PCNX2: variants seen among roughly 807,000 people sequenced by gnomAD.
PCNX2 encodes pecanex 2, also known as pecanex-like protein 2.
A neutral mutation model predicts 223.8 loss-of-function variants in PCNX2; 168 were observed. That is an observed-to-expected ratio of 0.75 (90% CI 0.66 to 0.85). PCNX2 has a LOEUF of 0.85. Ranked by LOEUF, PCNX2 falls within the 40% of genes least tolerant of loss-of-function variation. The pLI, the probability that PCNX2 is intolerant of heterozygous loss-of-function variation, is 0.00. For synonymous variants in PCNX2, 1,006 were observed against 1,052.6 expected, an observed-to-expected ratio of 0.96 and a Z score of 0.86; for missense variants, 2,507 against 2,675.5, an observed-to-expected ratio of 0.94 and a Z score of 1.39.
chr1:233,129,878 C>G (rs1676354790), intron 21 of PCNX2, among the ~76,000 whole-genome samples: 1 of 152,188 alleles, frequency 6.6e-6, no homozygotes, highest in South Asian at 2.1e-4. Flanking sequence ...AAGCAGGCTG[C>G]CAGAGCCAGC....
Position 233,259,300 on chromosome 1 carries a change from T to C in PCNX2, c.562A>G (p.Thr188Ala), listed in dbSNP as rs548295089. 1.2e-4 allele frequency: 199 copies of C among 1,613,830 alleles called. 2 individuals carry two copies. In the South Asian group the frequency reaches 1.8e-3, roughly 15 times the overall value. The change falls in exon 5 of 34, where the codon ACC (threonine) becomes GCC (alanine). Residue 188 changes from threonine (T) to alanine (A), a missense_variant. Coordinates refer to ENST00000258229, the MANE Select transcript of PCNX2 (RefSeq NM_014801.4). ...CTTTCCACTTTGATACCAGGTGAGG[T>C]AGATGACACTGGTGCTATGGGATGG... ...EDHPIAPVSS[T>A]SPGIKVESLP... is the part of the protein sequence containing the mutation.
chr1:233,178,686 A>G (rs1679624141), intron 16 of PCNX2, among the ~76,000 whole-genome samples: 1 of 152,174 alleles, frequency 6.6e-6, no homozygotes, highest in Non-Finnish European at 1.5e-5. Context: ...GTAACTGCCT[A>G]GAGTAAAGGC....
At chr1:233,005,433 T>TAACCCTAA (rs1382433694) in intron 28 of PCNX2, among the ~76,000 whole-genome samples, 1 of 152,188 alleles carries the variant, frequency 6.6e-6, no homozygotes, top group African/African-American at 2.4e-5. Flanking sequence ...CAGGAGCCTC[T>TAACCCTAA]CTAAGAGGCT....
intron 21 of PCNX2, chr1:233,112,709 T>TGGTCGCCG: frequency 1.8e-6 from 1 of 567,780 alleles, no homozygotes; most frequent in Non-Finnish European, 2.2e-6. Flanking sequence ...GTGTAGATCT[T>TGGTCGCCG]TGAACAATAT....
At chr1:233,241,788 C>T (rs1658784672) in intron 8 of PCNX2, among the ~76,000 whole-genome samples, 1 of 152,158 alleles carries the variant, frequency 6.6e-6, no homozygotes, top group South Asian at 2.1e-4. Flanking sequence ...CGAGAGAAGT[C>T]ACAATGTTTT....
At chr1:233,281,384 G>GA (rs1661186191) in intron 1 of PCNX2, among the ~76,000 whole-genome samples, 1 of 152,172 alleles carries the variant, frequency 6.6e-6, no homozygotes, top group African/African-American at 2.4e-5. Context: ...GGAAAGAACT[G>GA]AAACACACAG....
Position 233,253,027 on chromosome 1 carries a change from T to C in PCNX2, c.1835-239A>G, listed in dbSNP as rs1305346567. ...TATTTAGGTGTCTACAAACACCTACTATTTTATATACAGGTTGAGGGACTC... is the reference window on the plus strand; with the variant it reads ...TATTTAGGTGTCTACAAACACCTACCATTTTATATACAGGTTGAGGGACTC... On this transcript the variant is annotated intron_variant, in intron 5 of 33. Transcript: ENST00000258229. This position sits in a 1 kb window ranked among gnomAD's most constrained non-coding sequence, Gnocchi z 4.2. Among the ~76,000 whole-genome samples the C allele has an allele frequency of 1.3e-5, 2 of 152,240 alleles. No individual in the cohort carries two copies. Among genetic ancestry groups the C allele is most frequent in the Non-Finnish European group, 2.9e-5 (2 of 68,042 alleles).
rs1207990726 is a variant in PCNX2, at chr1:233,000,284, C to G, written c.5328+21G>C. The G allele has an allele frequency of 6.2e-7, 1 of 1,611,166 alleles. No homozygotes were observed. The highest frequency in any genetic ancestry group is 1.3e-5 in the African/African-American group (1 of 74,850). On this transcript the variant is annotated intron_variant, in intron 30 of 33. Coordinates refer to ENST00000258229, the MANE Select transcript of PCNX2 (RefSeq NM_014801.4). The surrounding 1 kb of genome is among the most constrained non-coding windows in gnomAD (Gnocchi z 4.6). ...GAGAGACACGAGCCAACAGGGGACC[C>G]AGAAAGTGTGGCCGCCATACCTTGA...
chr1:233,286,887 T>C (rs1661480091), intron 1 of PCNX2, among the ~76,000 whole-genome samples: 1 of 152,166 alleles, frequency 6.6e-6, no homozygotes, highest in Non-Finnish European at 1.5e-5. Flanking sequence ...CATCCTCATG[T>C]CCCTTCCTAC....
intron 12 of PCNX2, chr1:233,211,831 G>A (rs945966905): frequency 4.5e-5 from 44 of 984,596 alleles, no homozygotes; most frequent in Admixed American, 1.2e-4. Context: ...AAGCAAATTC[G>A]GAGAATGAGG....
chr1:233,164,496 A>C (rs1678675174), intron 17 of PCNX2, among the ~76,000 whole-genome samples: 1 of 152,110 alleles, frequency 6.6e-6, no homozygotes, highest in African/African-American at 2.4e-5. Flanking sequence ...TCCCAGGCTT[A>C]ATACAGCATT....
chr1:233,190,466 G>C (rs565341177), intron 15 of PCNX2, among the ~76,000 whole-genome samples: 1 of 152,300 alleles, frequency 6.6e-6, no homozygotes, highest in African/African-American at 2.4e-5. Flanking sequence ...ACGTACAAAG[G>C]AGAAGGAAGA....
At chr1:233,103,178 G>A (rs1674588792) in intron 21 of PCNX2, among the ~76,000 whole-genome samples, 1 of 151,898 alleles carries the variant, frequency 6.6e-6, no homozygotes, top group African/African-American at 2.4e-5. Flanking sequence ...TATATTTATG[G>A]GATACATGAG....
At position 233,000,613 on chromosome 1, in the gene PCNX2, G is replaced by A. The variant is rs772226624; in HGVS notation, c.5098-78C>T. The A allele has an allele frequency of 5.9e-5, 69 of 1,163,326 alleles. No individual in the cohort carries two copies. The highest frequency in any genetic ancestry group is 3.5e-4 in the Admixed American group (16 of 46,356). 72.1% of individuals were successfully genotyped at this position (1,163,326 alleles called of 1,614,324 possible). A position where few individuals can be genotyped will look rare whatever the true frequency, so the allele number is the denominator to read the frequency against. On this transcript the variant is annotated intron_variant, in intron 29 of 33. Coordinates refer to ENST00000258229, the MANE Select transcript of PCNX2 (RefSeq NM_014801.4). The surrounding 1 kb of genome is among the most constrained non-coding windows in gnomAD (Gnocchi z 4.6). ...CCCAGGAAGCATGCAGATGGCAACT[G>A]GCCAGTGACCTCCAAAGCTAAGCTC...
chr1:233,116,937 G>T (rs1240712143), intron 21 of PCNX2, among the ~76,000 whole-genome samples: 1 of 152,126 alleles, frequency 6.6e-6, no homozygotes, highest in Non-Finnish European at 1.5e-5. Context: ...AATATCAGGA[G>T]TGAAGCAGGA....
At chr1:233,129,462 A>G (rs74764662) in intron 21 of PCNX2, among the ~76,000 whole-genome samples, 6,282 of 152,244 alleles carry the variant, frequency 0.041, 162 homozygotes, top group African/African-American at 0.088. Flanking sequence ...GCTCCACGGC[A>G]CCAGGTGTCA....
chr1:233,172,646 G>A, intron 17 of PCNX2: 10 of 732,632 alleles, frequency 1.4e-5, no homozygotes, highest in Non-Finnish European at 1.7e-5. Flanking sequence ...GAAAAACAAG[G>A]CTTAAGGTCC....
chr1:233,147,484 G>T (rs185372481), intron 19 of PCNX2, among the ~76,000 whole-genome samples: 96 of 152,148 alleles, frequency 6.3e-4, no homozygotes, highest in Non-Finnish European at 1.1e-3. Flanking sequence ...GGAAGAGGAG[G>T]GGGTAGTCCT....
At chr1:233,312,238 T>G in the PCNX2 span, among the ~76,000 whole-genome samples, 1 of 151,820 alleles carries the variant, frequency 6.6e-6, no homozygotes, top group Non-Finnish European at 1.5e-5. Context: ...AAAGGACAAA[T>G]AGGCACAAAG....
Sources: gnomAD v4.1 joint callset for allele counts (sites outside exome capture counted in the v4.1 genomes callset) on GRCh38, gnomAD v4.1.1 for gene constraint, Gnocchi (gnomAD v3.1) non-coding constraint, MANE v1.5 for transcripts, NCBI Gene and HGNC (gene_info 2026-07-23, HGNC 2026-07-21) for gene names.